LNPEP: variants seen among roughly 807,000 people sequenced by gnomAD.
LNPEP encodes the protein leucyl-cystinyl aminopeptidase.
LNPEP carries 64 observed loss-of-function variants against 120.6 expected under a neutral mutation model. That is an observed-to-expected ratio of 0.53 (90% CI 0.43 to 0.65). The LOEUF (loss-of-function observed/expected upper bound fraction) is 0.65. LNPEP is among the 30% of genes least tolerant of loss of function. The probability of loss-of-function intolerance (pLI) is 0.00; values close to 1 mark genes in which losing one functional copy is unlikely to be tolerated. For missense variants in LNPEP, 1,057 were observed against 1,200.0 expected (o/e 0.88, Z 1.76); for synonymous variants, 435 against 425.4 (o/e 1.02, Z -0.28).
intron 1 of LNPEP, among the ~76,000 whole-genome samples, chr5:96,977,138 A>G (rs1790017346): frequency 6.6e-6 from 1 of 152,128 alleles, no homozygotes; most frequent in Non-Finnish European, 1.5e-5. Context: ...GGAGTCAGGA[A>G]AAGGTAACCT....
intron 1 of LNPEP, among the ~76,000 whole-genome samples, chr5:96,974,325 G>T (rs1789939550): frequency 6.6e-6 from 1 of 152,006 alleles, no homozygotes; most frequent in Non-Finnish European, 1.5e-5. Context: ...CTGCTGTTTT[G>T]TGCCCATGCA....
intron 1 of LNPEP, among the ~76,000 whole-genome samples, chr5:96,944,428 T>C (rs1581973467): frequency 2.0e-5 from 3 of 152,044 alleles, no homozygotes; most frequent in Non-Finnish European, 4.4e-5. Flanking sequence ...ACAGAAGTTA[T>C]AGGCAGACAA....
intron 4 of LNPEP, among the ~76,000 whole-genome samples, chr5:96,992,174 G>A (rs909390388): frequency 6.6e-6 from 1 of 152,140 alleles, no homozygotes; most frequent in African/African-American, 2.4e-5. Context: ...AAGAGAGAGT[G>A]AGCAAGAATT....
rs913315973 is a variant in LNPEP at position 97,035,846 on chromosome 5, T to C, written c.*7313T>C. 1 of 152,160 alleles carries C rather than the reference T, an allele frequency of 6.6e-6. No homozygotes were observed. Among genetic ancestry groups the C allele is most frequent in the African/African-American group, 2.4e-5 (1 of 41,444 alleles). The allele number at this position is 152,160 out of a possible 1,614,324, so 9.4% of individuals were successfully genotyped here. The stretch of plus-strand genomic sequence containing the variant: ...TAAGACAGGAGAAGACACTCAGCTA[T>C]GGTTGAGTTGTGAAAGCTAATTAGA... On this transcript the variant is annotated 3_prime_UTR_variant, in exon 18 of 18. Transcript: ENST00000231368.
intron 1 of LNPEP, among the ~76,000 whole-genome samples, chr5:96,965,632 G>C (rs1472936710): frequency 2.0e-5 from 3 of 152,086 alleles, no homozygotes; most frequent in African/African-American, 4.8e-5. Flanking sequence ...TCTTAGAGTA[G>C]AGTGCCTCTG....
At chr5:96,965,834 G>T (rs1789713136) in intron 1 of LNPEP, among the ~76,000 whole-genome samples, 1 of 152,100 alleles carries the variant, frequency 6.6e-6, no homozygotes, top group African/African-American at 2.4e-5. Flanking sequence ...TTCTTTTACT[G>T]AAGGCAATGA....
At chr5:97,027,695 T>C in intron 16 of LNPEP, 38 bp from the exon 17 acceptor site, 1 of 1,264,812 alleles carries the variant, frequency 7.9e-7, no homozygotes, top group Non-Finnish European at 1.2e-6. Context: ...TACCAGCAGC[T>C]GCCTAATCTT....
At position 96,971,440 on chromosome 5, in the gene LNPEP, A is replaced by T. The variant is rs553134644; in HGVS notation, c.20-7698A>T. Among the ~76,000 whole-genome samples the T allele has an allele frequency of 3.3e-5, 5 of 149,716 alleles. No individual in the cohort carries two copies. The South Asian group carries it at 1.1e-3, about 32-fold the overall frequency. On this transcript the variant is annotated intron_variant, in intron 1 of 17. Transcript: ENST00000231368. ...TTGGATCTGGTAAGTGGTGTTTTTCATCAAACTTAATAATATTTTAACTAT... is the reference window on the plus strand; with the variant it reads ...TTGGATCTGGTAAGTGGTGTTTTTCTTCAAACTTAATAATATTTTAACTAT...
chr5:96,980,068 G>T, intron 2 of LNPEP, 90 bp downstream of exon 2: 5 of 1,268,498 alleles, frequency 3.9e-6, no homozygotes, highest in South Asian at 1.6e-5. Flanking sequence ...CACGAATTGT[G>T]ATTTTTTTTT....
At chr5:96,967,485 G>A (rs1561434684) in intron 1 of LNPEP, among the ~76,000 whole-genome samples, 1 of 151,844 alleles carries the variant, frequency 6.6e-6, no homozygotes, top group Non-Finnish European at 1.5e-5. Context: ...TAATTGACTT[G>A]AATTATCAAC....
At chr5:97,021,235 A>G (rs1305253121) in intron 13 of LNPEP, among the ~76,000 whole-genome samples, 4 of 90,586 alleles carry the variant, frequency 4.4e-5, no homozygotes, top group Non-Finnish European at 6.7e-5. Context: ...AGCTAAAACA[A>G]GAAAAACATG....
chr5:97,015,406 T>G (rs1239711919), intron 13 of LNPEP, among the ~76,000 whole-genome samples: 2 of 152,162 alleles, frequency 1.3e-5, no homozygotes, highest in Admixed American at 1.3e-4. Flanking sequence ...ATGTTTGAAA[T>G]AGGCCCTTTT....
intron 2 of LNPEP, 71 bp downstream of exon 2, chr5:96,980,049 C>T (rs755491820): frequency 1.4e-5 from 19 of 1,367,798 alleles, no homozygotes; most frequent in Non-Finnish European, 1.8e-5. Context: ...CCTTTGTCCA[C>T]ACCAGAGACA....
At chr5:97,002,268 A>G (rs949466991) in intron 8 of LNPEP, among the ~76,000 whole-genome samples, 9 of 152,212 alleles carry the variant, frequency 5.9e-5, no homozygotes, top group Admixed American at 5.2e-4. Flanking sequence ...TTTTACTACA[A>G]TGGGGGAACA....
In LNPEP at chr5:97,034,161, T is replaced by C. The variant is rs1348565700; in HGVS notation, c.*5628T>C. 6.6e-6 allele frequency: 1 copy of C among 152,050 alleles called. No homozygotes were observed. The highest frequency in any genetic ancestry group is 1.5e-5 in the Non-Finnish European group (1 of 67,988). The allele number at this position is 152,050 out of a possible 1,614,324, so 9.4% of individuals were successfully genotyped here. A position where few individuals can be genotyped will look rare whatever the true frequency, so the allele number is the denominator to read the frequency against. On this transcript the variant is annotated 3_prime_UTR_variant, in exon 18 of 18. Coordinates refer to ENST00000231368, the MANE Select transcript of LNPEP (RefSeq NM_005575.3). Reference sequence around the variant, plus strand: ...AATAATTATAGAGTAGTATAGATGGTTTTTCTTTTTTATCCATCTGCCTAT... The same window carrying C: ...AATAATTATAGAGTAGTATAGATGGCTTTTCTTTTTTATCCATCTGCCTAT...
chr5:97,013,588 T>C, intron 11 of LNPEP, 60 bp from the exon 12 acceptor site: 1 of 902,542 alleles, frequency 1.1e-6, no homozygotes, highest in Admixed American at 3.1e-5. Context: ...GCACTCATAA[T>C]TTTTTTTTCT....
intron 1 of LNPEP, among the ~76,000 whole-genome samples, chr5:96,976,438 A>C (rs1243206760): frequency 6.6e-6 from 1 of 152,186 alleles, no homozygotes. Context: ...AATGACATGC[A>C]GACAGGAGAT....
Position 96,994,182 on chromosome 5 carries a change from C to T in LNPEP, c.1407+211C>T, listed in dbSNP as rs74555722. Among the ~76,000 whole-genome samples the T allele has an allele frequency of 9.3e-3, 1,410 of 152,180 alleles. 5 individuals carry two copies. The highest frequency in any genetic ancestry group is 0.013 in the Non-Finnish European group (911 of 68,020). The stretch of plus-strand genomic sequence containing the variant: ...CAGGTTAAAGCATTTTCACATCTGT[C>T]TTACTTCGCAACTTCTCTAAGGTGG... On this transcript the variant is annotated intron_variant, in intron 6 of 17. Coordinates refer to ENST00000231368, the MANE Select transcript of LNPEP (RefSeq NM_005575.3).
chr5:96,947,351 G>T (rs954764255), intron 1 of LNPEP, among the ~76,000 whole-genome samples: 2 of 152,120 alleles, frequency 1.3e-5, no homozygotes, highest in African/African-American at 4.8e-5. Context: ...AAAAGAAAAA[G>T]AAAATTGAAA....
Sources: gnomAD v4.1 joint callset for allele counts (sites outside exome capture counted in the v4.1 genomes callset) on GRCh38, gnomAD v4.1.1 for gene constraint, MANE v1.5 for transcripts, NCBI Gene and HGNC (gene_info 2026-07-23, HGNC 2026-07-21) for gene names.